Variants in PAXIP1 observed in about 807,000 individuals in gnomAD.
PAXIP1 encodes PAX interacting protein 1.
PAXIP1 carries 19 observed loss-of-function variants against 140.6 expected under a neutral mutation model. That is an observed-to-expected ratio of 0.14 (90% CI 0.09 to 0.20). PAXIP1 has a LOEUF of 0.20. Among genes scored for constraint, PAXIP1 ranks in the 10% least tolerant of loss-of-function variants. The pLI, the probability that PAXIP1 is intolerant of heterozygous loss-of-function variation, is 1.00. For missense variants in PAXIP1, 920 were observed against 1,208.6 expected, an observed-to-expected ratio of 0.76 and a Z score of 3.54; for synonymous variants, 442 against 444.6, an observed-to-expected ratio of 0.99 and a Z score of 0.07.
chr7:154,978,004 G>A (rs1809677986), intron 5 of PAXIP1, among the ~76,000 whole-genome samples: 2 of 131,386 alleles, frequency 1.5e-5, no homozygotes, highest in Non-Finnish European at 3.0e-5. Context: ...GAGACTAGTG[G>A]AATAAATCCC....
intron 3 of PAXIP1, 127 bp from the exon 4 acceptor site, chr7:154,991,196 AAAG>A: frequency 7.3e-6 from 4 of 549,234 alleles, no homozygotes; most frequent in Non-Finnish European, 1.3e-5. Flanking sequence ...TAAGATAGAC[AAAG>A]AAGAGTACAG....
At position 154,968,830 on chromosome 7, in the gene PAXIP1, TTGCTGCTGCTGC is replaced by T. The variant is rs541452346; in HGVS notation, c.1359_1370del (p.Gln454_Gln457del). On this transcript the variant is annotated inframe_deletion, in exon 7 of 21. Coordinates refer to ENST00000404141, the MANE Select transcript of PAXIP1 (RefSeq NM_007349.4). ...GCTGTGAAAACTGATGCGGATGGGCTTGCTGCTGCTGCTGCTGTTGCTGTGAAAATGGATGCG... is the reference window on the plus strand; with the variant it reads ...GCTGTGAAAACTGATGCGGATGGGCTTGCTGTTGCTGTGAAAATGGATGCG... 1 of 742,452 alleles carries T rather than the reference TTGCTGCTGCTGC, an allele frequency of 1.3e-6. No individual in the cohort carries two copies. Among genetic ancestry groups the T allele is most frequent in the Non-Finnish European group, 2.4e-6 (1 of 408,686 alleles). The allele number at this position is 742,452 out of a possible 1,614,324, so 46.0% of individuals were successfully genotyped here. A position where few individuals can be genotyped will look rare whatever the true frequency, so the allele number is the denominator to read the frequency against.
chr7:154,993,271 C>T (rs1810431169), intron 3 of PAXIP1, among the ~76,000 whole-genome samples: 1 of 152,192 alleles, frequency 6.6e-6, no homozygotes, highest in African/African-American at 2.4e-5. Flanking sequence ...CCTCTATTTT[C>T]AGTACTCAAC....
At chr7:154,992,697 A>C (rs1292161314) in intron 3 of PAXIP1, among the ~76,000 whole-genome samples, 1 of 152,148 alleles carries the variant, frequency 6.6e-6, no homozygotes, top group Non-Finnish European at 1.5e-5. Flanking sequence ...AGTCTTTTTG[A>C]CTTCTTATAA....
intron 16 of PAXIP1, among the ~76,000 whole-genome samples, chr7:154,953,033 A>C (rs1808342266): frequency 6.6e-6 from 1 of 152,258 alleles, no homozygotes; most frequent in Non-Finnish European, 1.5e-5. Context: ...ATAAACATGA[A>C]TTATATTTAA....
chr7:154,975,834 T>C lies in PAXIP1; in HGVS notation c.936A>G (p.Leu312=). The C allele has an allele frequency of 6.2e-7, 1 of 1,613,988 alleles. No individual in the cohort carries two copies. The highest frequency in any genetic ancestry group is 1.1e-5 in the South Asian group (1 of 91,078). The change falls in exon 6 of 21, where the codon TTA becomes TTG. Residue 312 remains leucine, a synonymous_variant. Transcript: ENST00000404141. ...TTTGGAGGTTTTGTCCAGCAGCCAT[T>C]AAATTACCCCGGACCTCAGGGGGCA... is the stretch of plus-strand genomic sequence containing the variant. ...NILPPEVRGN[L]MAAGQNLQSS...
rs1211802861 is a variant in PAXIP1, at chr7:154,985,927, A to G, written c.325-2595T>C. The G allele has an allele frequency of 1.5e-5, 15 of 1,011,802 alleles. No homozygotes were observed. The Admixed American group carries it at 3.7e-4, about 25-fold the overall frequency. The allele number at this position is 1,011,802 out of a possible 1,614,324, so 62.7% of individuals were successfully genotyped here. ...CAAGAAATACTGTTGATTGAGATAC[A>G]GAATGGAAAGGACTTTTTAGTCTTC... On this transcript the variant is annotated intron_variant, in intron 4 of 20. Transcript: ENST00000404141.
rs1585031875 is a variant in PAXIP1, at chr7:154,946,615, T to C, written c.3058-28A>G. The C allele has an allele frequency of 6.2e-7, 1 of 1,613,260 alleles. No individual in the cohort carries two copies. The highest frequency in any genetic ancestry group is 8.5e-7 in the Non-Finnish European group (1 of 1,179,286). ...AAGGAAAAGAAAATGAGTTTCTCAG[T>C]GACCGAACGCTGAATGTGATACAGG... is the stretch of plus-strand genomic sequence containing the variant. On this transcript the variant is annotated intron_variant, in intron 18 of 20. Coordinates refer to ENST00000404141, the MANE Select transcript of PAXIP1 (RefSeq NM_007349.4). This position sits in a 1 kb window ranked among gnomAD's most constrained non-coding sequence, Gnocchi z 4.9.
At chr7:154,995,560 A>C (rs1334012637) in intron 2 of PAXIP1, among the ~76,000 whole-genome samples, 1 of 152,216 alleles carries the variant, frequency 6.6e-6, no homozygotes, top group Non-Finnish European at 1.5e-5. Flanking sequence ...AATATATAAA[A>C]ATAAGCTGGC....
intron 6 of PAXIP1, chr7:154,974,733 C>CGAGA (rs1809487900): frequency 2.6e-5 from 4 of 152,176 alleles, no homozygotes; most frequent in Non-Finnish European, 5.9e-5. Context: ...TGTATGTCTT[C>CGAGA]TCTACCTAAA....
chr7:154,989,349 A>G (rs2150779906), intron 4 of PAXIP1, among the ~76,000 whole-genome samples: 1 of 152,348 alleles, frequency 6.6e-6, no homozygotes, highest in East Asian at 1.9e-4. Context: ...CAAAGGCATA[A>G]GGAAAAGCAA....
chr7:154,979,896 C>G (rs1453585093), intron 5 of PAXIP1, among the ~76,000 whole-genome samples: 1 of 152,132 alleles, frequency 6.6e-6, no homozygotes, highest in Non-Finnish European at 1.5e-5. Context: ...AGACAACAGA[C>G]AGACATGAGC....
rs544263937 is a variant in PAXIP1 at position 154,973,119 on chromosome 7, C to A, written c.1074+2577G>T. Among the ~76,000 whole-genome samples, 1 of 152,312 alleles carries A rather than the reference C, an allele frequency of 6.6e-6. No individual in the cohort carries two copies. Among genetic ancestry groups the A allele is most frequent in the South Asian group, 2.1e-4 (1 of 4,816 alleles). On this transcript the variant is annotated intron_variant, in intron 6 of 20. Coordinates refer to ENST00000404141, the MANE Select transcript of PAXIP1 (RefSeq NM_007349.4). This position sits in a 1 kb window ranked among gnomAD's most constrained non-coding sequence, Gnocchi z 4.0. Reference sequence around the variant, plus strand: ...TTTCCCTAAACTCGGCTGACCCCAGCGCTCTCATGGGCACCCACCTGGACA... The same window carrying A: ...TTTCCCTAAACTCGGCTGACCCCAGAGCTCTCATGGGCACCCACCTGGACA...
At chr7:154,944,503 A>AC (rs1313367141) in intron 20 of PAXIP1, 1 of 183,838 alleles carries the variant, frequency 5.4e-6, no homozygotes, top group Non-Finnish European at 1.1e-5. Context: ...CCAAAGCCCC[A>AC]CCACAAATAG....
In PAXIP1 at chr7:154,946,616, G is replaced by A. The variant is rs765883313; in HGVS notation, c.3058-29C>T. The A allele has an allele frequency of 6.2e-7, 1 of 1,613,062 alleles. No individual in the cohort carries two copies. The highest frequency in any genetic ancestry group is 8.5e-7 in the Non-Finnish European group (1 of 1,179,180). The stretch of plus-strand genomic sequence containing the variant: ...AGGAAAAGAAAATGAGTTTCTCAGT[G>A]ACCGAACGCTGAATGTGATACAGGG... On this transcript the variant is annotated intron_variant, in intron 18 of 20. Transcript: ENST00000404141. The surrounding 1 kb of genome is among the most constrained non-coding windows in gnomAD (Gnocchi z 4.9).
intron 5 of PAXIP1, among the ~76,000 whole-genome samples, chr7:154,980,868 C>T (rs953366104): frequency 6.6e-6 from 1 of 152,190 alleles, no homozygotes; most frequent in African/African-American, 2.4e-5. Context: ...GTGGTTCTCA[C>T]GTCTGTTATC....
chr7:154,954,647 C>T lies in PAXIP1; in HGVS notation c.2653-224G>A, dbSNP rs1808428911. Among the ~76,000 whole-genome samples the T allele has an allele frequency of 6.6e-6, 1 of 152,158 alleles. No individual in the cohort carries two copies. Among genetic ancestry groups the T allele is most frequent in the South Asian group, 2.1e-4 (1 of 4,836 alleles). ...TTCTGTAGTTCAATTCCACACAAAT[C>T]AAGATTAAAACATGAATTCTCCATC... On this transcript the variant is annotated intron_variant, in intron 15 of 20. Coordinates refer to ENST00000404141, the MANE Select transcript of PAXIP1 (RefSeq NM_007349.4). This position sits in a 1 kb window ranked among gnomAD's most constrained non-coding sequence, Gnocchi z 5.1.
At position 154,999,716 on chromosome 7, in the gene PAXIP1, C is replaced by T. The variant is rs142918277; in HGVS notation, c.82-932G>A. On this transcript the variant is annotated intron_variant, in intron 1 of 20. Transcript: ENST00000404141. Reference sequence around the variant, plus strand: ...AAGGACGTGTTTTAGTTTGGGCATGCCATTCTTTGGGGGTCGTGTTAATAT... The same window carrying T: ...AAGGACGTGTTTTAGTTTGGGCATGTCATTCTTTGGGGGTCGTGTTAATAT... Among the ~76,000 whole-genome samples the T allele has an allele frequency of 8.1e-4, 124 of 152,242 alleles. No homozygotes were observed. In the East Asian group the frequency reaches 0.013, roughly 16 times the overall value.
chr7:155,002,787 GGGACGGGGAC>G (rs1023996373), intron 1 of PAXIP1, 52 bp downstream of exon 1: 411 of 963,538 alleles, frequency 4.3e-4, no homozygotes, highest in Non-Finnish European at 5.1e-4. Context: ...GACGGGGACG[GGGACGGGGAC>G]GGACGGGGAC....
Sources: gnomAD v4.1 joint callset for allele counts (sites outside exome capture counted in the v4.1 genomes callset) on GRCh38, gnomAD v4.1.1 for gene constraint, Gnocchi (gnomAD v3.1) non-coding constraint, MANE v1.5 for transcripts, NCBI Gene and HGNC (gene_info 2026-07-23, HGNC 2026-07-21) for gene names.